The following DPYSL5 variants were observed in gnomAD, a reference collection of about 807,000 sequenced individuals.
The protein encoded by DPYSL5 is dihydropyrimidinase-related protein 5.
Under a neutral mutation model 58.4 loss-of-function variants are expected in DPYSL5, and 9 were observed. The ratio of observed to expected loss-of-function variants is 0.15; its 90% CI spans 0.09 to 0.27. The LOEUF (loss-of-function observed/expected upper bound fraction) is 0.27. DPYSL5 is among the 10% of genes least tolerant of loss of function. DPYSL5 has a pLI of 1.00. For missense variants in DPYSL5, 499 were observed against 770.6 expected, an observed-to-expected ratio of 0.65 and a Z score of 4.17; for synonymous variants, 293 against 301.9, an observed-to-expected ratio of 0.97 and a Z score of 0.31.
In DPYSL5 at chr2:26,934,782, A is replaced by C; in HGVS notation, c.947+48A>C. The C allele has an allele frequency of 6.2e-7, 1 of 1,602,038 alleles. No homozygotes were observed. Among genetic ancestry groups the C allele is most frequent in the African/African-American group, 1.3e-5 (1 of 74,872 alleles). On this transcript the variant is annotated intron_variant, in intron 8 of 12. Transcript: ENST00000288699. This position sits in a 1 kb window ranked among gnomAD's most constrained non-coding sequence, Gnocchi z 4.3. ...TGCAGGGATGTGTACATCTTTAGGA[A>C]GACGTCATAGAGGGCCCAGGAAACA...
chr2:26,947,174 T>C lies in DPYSL5; in HGVS notation c.*179T>C, dbSNP rs1665512010. The C allele has an allele frequency of 3.5e-6, 2 of 579,026 alleles. No homozygotes were observed. Among genetic ancestry groups the C allele is most frequent in the Admixed American group, 5.9e-5 (2 of 33,860 alleles). 35.9% of individuals were successfully genotyped at this position (579,026 alleles called of 1,614,324 possible). Reference sequence around the variant, plus strand: ...GATTCACTGTGCTTCGAGCCAACTCTAACAGGCACTTTGAGATGTGTTCCT... The same window carrying C: ...GATTCACTGTGCTTCGAGCCAACTCCAACAGGCACTTTGAGATGTGTTCCT... On this transcript the variant is annotated 3_prime_UTR_variant, in exon 13 of 13. Transcript: ENST00000288699. This position sits in a 1 kb window ranked among gnomAD's most constrained non-coding sequence, Gnocchi z 4.2.
rs1485227619 is a variant in DPYSL5, at chr2:26,933,794, G to A, written c.790+461G>A. Among the ~76,000 whole-genome samples the A allele has an allele frequency of 6.6e-6, 1 of 152,140 alleles. No homozygotes were observed. Among genetic ancestry groups the A allele is most frequent in the Non-Finnish European group, 1.5e-5 (1 of 68,030 alleles). On this transcript the variant is annotated intron_variant, in intron 7 of 12. Transcript: ENST00000288699. The surrounding 1 kb of genome is among the most constrained non-coding windows in gnomAD (Gnocchi z 4.2). The stretch of plus-strand genomic sequence containing the variant: ...TAGCCTCCTGGAACCCTGTGTATGA[G>A]TCCGAGGGGCACTTGTATGGCTTCT...
At chr2:26,864,495 A>G (rs914329407) in intron 1 of DPYSL5, among the ~76,000 whole-genome samples, 1 of 152,250 alleles carries the variant, frequency 6.6e-6, no homozygotes, top group African/African-American at 2.4e-5. Context: ...GCCACTAGCC[A>G]GGCACCATCT....
intron 1 of DPYSL5, among the ~76,000 whole-genome samples, chr2:26,870,569 A>T (rs1342493468): frequency 6.6e-6 from 1 of 152,038 alleles, no homozygotes; most frequent in Non-Finnish European, 1.5e-5. Flanking sequence ...TATAAAATGA[A>T]TTGGCCATGC....
chr2:26,915,430 C>T (rs1187114883), intron 2 of DPYSL5, among the ~76,000 whole-genome samples: 5 of 152,184 alleles, frequency 3.3e-5, no homozygotes, highest in African/African-American at 4.8e-5. Flanking sequence ...ATGCAAATGT[C>T]GCTCTGAGCT....
intron 1 of DPYSL5, among the ~76,000 whole-genome samples, chr2:26,894,544 T>C (rs574593413): frequency 1.7e-4 from 26 of 152,164 alleles, no homozygotes; most frequent in Non-Finnish European, 3.1e-4. Context: ...GTGAGGGCCT[T>C]GTTTGTTGAG....
chr2:26,884,858 G>A (rs1272173341), intron 1 of DPYSL5, among the ~76,000 whole-genome samples: 1 of 152,090 alleles, frequency 6.6e-6, no homozygotes. Context: ...ACTCCTGCTT[G>A]CTTGGGGCCC....
At chr2:26,940,915 G>GATT (rs200062447) in intron 9 of DPYSL5, among the ~76,000 whole-genome samples, 1,617 of 142,656 alleles carry the variant, frequency 0.011, 9 homozygotes, top group Admixed American at 0.022. Flanking sequence ...CAGCATTTCT[G>GATT]ATTATTATTA....
intron 2 of DPYSL5, among the ~76,000 whole-genome samples, chr2:26,912,373 G>A (rs1664463216): frequency 6.6e-6 from 1 of 152,208 alleles, no homozygotes; most frequent in Non-Finnish European, 1.5e-5. Flanking sequence ...ACTAAAATGA[G>A]GGTCTTGCCA....
intron 5 of DPYSL5, among the ~76,000 whole-genome samples, chr2:26,930,770 C>T (rs955851588): frequency 2.0e-5 from 3 of 151,972 alleles, no homozygotes; most frequent in Admixed American, 1.3e-4. Context: ...GTCAGGAGAT[C>T]GAGACCATCC....
At chr2:26,885,166 T>C (rs1297433512) in intron 1 of DPYSL5, among the ~76,000 whole-genome samples, 2 of 152,050 alleles carry the variant, frequency 1.3e-5, no homozygotes, top group African/African-American at 4.8e-5. Flanking sequence ...GCCATTGCAC[T>C]CCAGCCTGGG....
chr2:26,928,447 A>T, intron 5 of DPYSL5, 124 bp downstream of exon 5: 1 of 1,096,372 alleles, frequency 9.1e-7, no homozygotes. Flanking sequence ...TGTAATCCCA[A>T]CATTTGGGAG....
intron 1 of DPYSL5, among the ~76,000 whole-genome samples, chr2:26,853,981 A>G (rs1665817684): frequency 6.6e-6 from 1 of 152,134 alleles, no homozygotes; most frequent in Non-Finnish European, 1.5e-5. Flanking sequence ...TCAAGGCTGC[A>G]GTGAGCTGTG....
intron 1 of DPYSL5, among the ~76,000 whole-genome samples, chr2:26,884,397 G>A (rs1207480778): frequency 6.6e-6 from 1 of 152,120 alleles, no homozygotes; most frequent in African/African-American, 2.4e-5. Context: ...CTGGCCTCAG[G>A]GAGTCAGCCA....
At chr2:26,867,688 C>T (rs1490314806) in intron 1 of DPYSL5, among the ~76,000 whole-genome samples, 3 of 152,012 alleles carry the variant, frequency 2.0e-5, no homozygotes, top group African/African-American at 7.2e-5. Context: ...ATCTCCTGAC[C>T]TCGTGATCCG....
intron 2 of DPYSL5, among the ~76,000 whole-genome samples, chr2:26,918,351 G>A (rs938539143): frequency 1.3e-5 from 2 of 152,126 alleles, no homozygotes; most frequent in African/African-American, 4.8e-5. Context: ...CCTTTTTGGG[G>A]GTTGTTCACA....
intron 1 of DPYSL5, among the ~76,000 whole-genome samples, chr2:26,873,347 C>T (rs1294480559): frequency 1.3e-5 from 2 of 152,144 alleles, no homozygotes; most frequent in Non-Finnish European, 2.9e-5. Context: ...TCTCCACCAC[C>T]ACCTCCGCTC....
intron 1 of DPYSL5, among the ~76,000 whole-genome samples, chr2:26,884,520 T>TCTCACACACACACACA (rs35489206): frequency 8.9e-5 from 13 of 145,528 alleles, no homozygotes; most frequent in African/African-American, 2.5e-4. Flanking sequence ...TTGTCCTATC[T>TCTCACACACACACACA]CACACACACA....
In DPYSL5 at chr2:26,949,434, G is replaced by C. The variant is rs1558360982; in HGVS notation, c.*2439G>C. The C allele has an allele frequency of 6.6e-6, 1 of 152,454 alleles. No individual in the cohort carries two copies. The highest frequency in any genetic ancestry group is 1.5e-5 in the Non-Finnish European group (1 of 68,270). 9.4% of individuals were successfully genotyped at this position (152,454 alleles called of 1,614,324 possible). On this transcript the variant is annotated 3_prime_UTR_variant, in exon 13 of 13. Transcript: ENST00000288699. ...GGAACAGGGGTGAGGACCCAGGCCT[G>C]GGAAAGCCACCAGGGATGGGGGAAA...
Sources: allele counts gnomAD v4.1 joint callset (sites outside exome capture counted in the v4.1 genomes callset), GRCh38; gene constraint gnomAD v4.1.1; non-coding constraint Gnocchi (gnomAD v3.1); transcripts MANE v1.5; gene names NCBI Gene and HGNC (gene_info 2026-07-23, HGNC 2026-07-21).